Variants in HERC2 observed in about 807,000 individuals in gnomAD.
The protein encoded by HERC2 is HECT and RLD domain containing E3 ubiquitin protein ligase 2.
Under a neutral mutation model 537.7 loss-of-function variants are expected in HERC2, and 102 were observed. The ratio of observed to expected loss-of-function variants is 0.19; its 90% CI spans 0.16 to 0.22. The LOEUF is 0.22. Ranked by LOEUF, HERC2 falls within the 10% of genes least tolerant of loss-of-function variation. HERC2 has a pLI of 1.00. For missense variants in HERC2, 4,236 were observed against 6,198.2 expected, an observed-to-expected ratio of 0.68 and a Z score of 10.63; for synonymous variants, 2,224 against 2,466.2, an observed-to-expected ratio of 0.90 and a Z score of 2.91.
chr15:28,224,730 C>T (rs1900930391), intron 35 of HERC2, among the ~76,000 whole-genome samples: 1 of 152,180 alleles, frequency 6.6e-6, no homozygotes, highest in African/African-American at 2.4e-5. Context: ...CCACAGAACA[C>T]TCTCTTAGAC....
At chr15:28,189,839 T>TA (rs947780380) in intron 55 of HERC2, among the ~76,000 whole-genome samples, 2 of 152,106 alleles carry the variant, frequency 1.3e-5, no homozygotes, top group African/African-American at 4.8e-5. Flanking sequence ...AAAACTTTTT[T>TA]AAAAAATGAA....
Position 28,144,563 on chromosome 15 carries a change from C to G in HERC2, c.11140+110G>C, listed in dbSNP as rs1891546242. On this transcript the variant is annotated intron_variant, in intron 72 of 92. Transcript: ENST00000261609. ...TGTGAGAGCACTCACTCCAACACAGCAGAAGGCAGGCTGTCAGGCACTACG... is the reference window on the plus strand; with the variant it reads ...TGTGAGAGCACTCACTCCAACACAGGAGAAGGCAGGCTGTCAGGCACTACG... 4 of 1,464,556 alleles carry G rather than the reference C, an allele frequency of 2.7e-6. No individual in the cohort carries two copies. In the East Asian group the frequency reaches 9.1e-5, roughly 33 times the overall value. The allele number at this position is 1,464,556 out of a possible 1,614,324, so 90.7% of individuals were successfully genotyped here.
intron 21 of HERC2, among the ~76,000 whole-genome samples, chr15:28,247,410 T>C (rs1567066524): frequency 2.0e-5 from 3 of 149,694 alleles, no homozygotes; most frequent in Non-Finnish European, 4.4e-5. Flanking sequence ...AGTTTTTCTG[T>C]CTACATGGTT....
chr15:28,135,435 AC>A lies in HERC2; in HGVS notation c.12230+42del, dbSNP rs567477805. 12 of 1,506,636 alleles carry A rather than the reference AC, an allele frequency of 8.0e-6. No individual in the cohort carries two copies. The South Asian group carries it at 1.4e-4, about 17-fold the overall frequency. 93.3% of individuals were successfully genotyped at this position (1,506,636 alleles called of 1,614,324 possible). A position where few individuals can be genotyped will look rare whatever the true frequency, so the allele number is the denominator to read the frequency against. ...TGTAGCAGCATTAAAACAAACAAAA[AC>A]AAAGACAAATAGAATGTTGAAATAA... On this transcript the variant is annotated intron_variant, in intron 79 of 92. Transcript: ENST00000261609.
intron 86 of HERC2, 77 bp from the exon 87 acceptor site, chr15:28,117,231 C>T (rs778299237): frequency 3.5e-5 from 50 of 1,426,626 alleles, no homozygotes; most frequent in South Asian, 5.8e-5. Flanking sequence ...GCGGCACTGG[C>T]GAATGCACGA....
In HERC2 at chr15:28,152,825, T is replaced by C; in HGVS notation, c.10752A>G (p.Ala3584=). 6.4e-7 allele frequency: 1 copy of C among 1,562,440 alleles called. No homozygotes were observed. Among genetic ancestry groups the C allele is most frequent in the Non-Finnish European group, 8.7e-7 (1 of 1,152,614 alleles). Residue 3584 remains alanine (A), a synonymous_variant, in exon 70 of 93, where the codon GCA becomes GCG. Transcript: ENST00000261609. ...SGMGTAYPQV[A]DMLLELCVTE... ...TGACACAGAGCTCCAACAGCATATC[T>C]GCCACCTGGAGAGGAAGCAAGGACA... is the stretch of plus-strand genomic sequence containing the variant.
chr15:28,272,569 C>T (rs1025258759), intron 8 of HERC2, among the ~76,000 whole-genome samples, 183 bp from the exon 9 acceptor site: 49 of 152,002 alleles, frequency 3.2e-4, no homozygotes, highest in African/African-American at 1.1e-3. Context: ...CACAAGACAT[C>T]GCCTTCTGCT....
chr15:28,208,561 T>A (rs1454646860), intron 44 of HERC2, among the ~76,000 whole-genome samples: 3 of 152,114 alleles, frequency 2.0e-5, no homozygotes, highest in African/African-American at 7.2e-5. Context: ...GCTTTCCAAG[T>A]GGGCCTCAAG....
chr15:28,213,898 A>T lies in HERC2; in HGVS notation c.6630T>A (p.Ile2210=), dbSNP rs761063574. Residue 2210 remains isoleucine, a synonymous_variant, in exon 42 of 93, where the codon ATT becomes ATA. Transcript: ENST00000261609. ...GGCGCAGGCGACCATCGATGCCTCCAATCACAGCCAGGACTGCCATGAGGC... is the reference window on the plus strand; with the variant it reads ...GGCGCAGGCGACCATCGATGCCTCCTATCACAGCCAGGACTGCCATGAGGC... ...VGGLMAVLAV[I]GGIDGRLRLG... The T allele has an allele frequency of 1.9e-6, 3 of 1,613,872 alleles. No individual in the cohort carries two copies. The South Asian group carries it at 3.3e-5, about 18-fold the overall frequency.
chr15:28,250,817 G>A (rs1400385070), intron 20 of HERC2, among the ~76,000 whole-genome samples: 2 of 152,048 alleles, frequency 1.3e-5, no homozygotes, highest in Non-Finnish European at 2.9e-5. Flanking sequence ...TGCAGGAGAG[G>A]GACACATGAT....
chr15:28,111,529 G>A lies in HERC2; in HGVS notation c.*234C>T. On this transcript the variant is annotated 3_prime_UTR_variant, in exon 93 of 93. Transcript: ENST00000261609. ...TAAACACAGTCCTACATGTAATGCA[G>A]CATTACGGGTGAGAAGACCCTTGGA... 1.7e-6 allele frequency: 1 copy of A among 574,940 alleles called. No homozygotes were observed. The highest frequency in any genetic ancestry group is 2.3e-5 in the South Asian group (1 of 43,262). 35.6% of individuals were successfully genotyped at this position (574,940 alleles called of 1,614,324 possible).
intron 3 of HERC2, among the ~76,000 whole-genome samples, chr15:28,298,949 T>G (rs2076546990): frequency 6.6e-6 from 1 of 152,176 alleles, no homozygotes; most frequent in Admixed American, 6.5e-5. Context: ...ACAGTGGTTC[T>G]CAACCAAGGA....
chr15:28,314,700 C>CA lies in HERC2; in HGVS notation c.72+6661dup, dbSNP rs1037599028. ...TGAAACCCCGTCTCTACTAAAAATA[C>CA]AAAAAAAAAAATTAGCCAGGAATGA... On this transcript the variant is annotated intron_variant, in intron 2 of 92. Coordinates refer to ENST00000261609, the MANE Select transcript of HERC2 (RefSeq NM_004667.6). Among the ~76,000 whole-genome samples, 190 of 143,740 alleles carry CA rather than the reference C, an allele frequency of 1.3e-3. 1 individual carries two copies. The East Asian group carries it at 0.016, about 12-fold the overall frequency. The allele number at this position is 143,740 out of a possible 152,430, so 94.3% of individuals were successfully genotyped here. A position where few individuals can be genotyped will look rare whatever the true frequency, so the allele number is the denominator to read the frequency against.
At position 28,260,813 on chromosome 15, in the gene HERC2, G is replaced by T; in HGVS notation, c.2280C>A (p.Thr760=). 6.2e-7 allele frequency: 1 copy of T among 1,614,208 alleles called. No individual in the cohort carries two copies. The highest frequency in any genetic ancestry group is 8.5e-7 in the Non-Finnish European group (1 of 1,180,028). Reference sequence around the variant, plus strand: ...CACAGGCAATTCCCACTATGTGTTTGGTGTCCAGTCCTGGCAATGCTGCAG... The same window carrying T: ...CACAGGCAATTCCCACTATGTGTTTTGTGTCCAGTCCTGGCAATGCTGCAG... ...PEPAALPGLD[T]KHIVGIACGP... Residue 760 remains threonine (T), a synonymous_variant, in exon 16 of 93, where the codon ACC becomes ACA. Coordinates refer to ENST00000261609, the MANE Select transcript of HERC2 (RefSeq NM_004667.6).
intron 4 of HERC2, among the ~76,000 whole-genome samples, chr15:28,283,343 C>T (rs1348295863): frequency 6.6e-6 from 1 of 152,192 alleles, no homozygotes; most frequent in East Asian, 1.9e-4. Context: ...CGTGCATTAA[C>T]AAGTCAAATG....
rs71132838 is a variant in HERC2, at chr15:28,206,832, CAAAAAAAAAA to C, written c.7070-460_7070-451del. On this transcript the variant is annotated intron_variant, in intron 44 of 92. Transcript: ENST00000261609. ...TGGGCGACAGACCAAGACTCGGTCT[CAAAAAAAAAA>C]AAAAAAAAAAAAAAAAAAATTAACT... Among the ~76,000 whole-genome samples the C allele has an allele frequency of 4.1e-4, 21 of 51,460 alleles. 1 individual carries two copies. Among genetic ancestry groups the C allele is most frequent in the African/African-American group, 1.2e-3 (17 of 14,496 alleles). 33.8% of individuals were successfully genotyped at this position (51,460 alleles called of 152,430 possible). A position where few individuals can be genotyped will look rare whatever the true frequency, so the allele number is the denominator to read the frequency against.
intron 70 of HERC2, among the ~76,000 whole-genome samples, chr15:28,152,236 G>A (rs142860322): frequency 6.6e-6 from 1 of 152,230 alleles, no homozygotes; most frequent in Non-Finnish European, 1.5e-5. Flanking sequence ...CCAGATCAAA[G>A]GCCGGGGCCT....
chr15:28,169,395 G>A (rs1253814890), intron 66 of HERC2, 89 bp downstream of exon 66: 1 of 908,296 alleles, frequency 1.1e-6, no homozygotes, highest in Non-Finnish European at 1.7e-6. Flanking sequence ...AACATTCTTG[G>A]AGACATCTGA....
chr15:28,136,817 C>T (rs1389631247), intron 78 of HERC2, among the ~76,000 whole-genome samples: 1 of 152,070 alleles, frequency 6.6e-6, no homozygotes, highest in Non-Finnish European at 1.5e-5. Flanking sequence ...AACCCCCACC[C>T]TAGAAAAAGG....
Sources: gnomAD v4.1 joint callset for allele counts (sites outside exome capture counted in the v4.1 genomes callset) on GRCh38, gnomAD v4.1.1 for gene constraint, MANE v1.5 for transcripts, NCBI Gene and HGNC (gene_info 2026-07-23, HGNC 2026-07-21) for gene names.